ITPRIP: variants seen among roughly 807,000 people sequenced by gnomAD.
The protein encoded by ITPRIP is inositol 1,4,5-trisphosphate receptor interacting protein, also known as inositol 1,4,5-trisphosphate receptor-interacting protein.
A neutral mutation model predicts 35.8 loss-of-function variants in ITPRIP; 32 were observed. The ratio of observed to expected loss-of-function variants is 0.89; its 90% CI spans 0.68 to 1.20. The LOEUF is 1.20. Ranked by LOEUF, ITPRIP falls within the 50% of genes most tolerant of loss-of-function variation. The pLI is 0.00. For synonymous variants in ITPRIP, 358 were observed against 324.0 expected (o/e 1.11, Z -1.13); for missense variants, 653 against 735.6 (o/e 0.89, Z 1.30).
chr10:104,315,874 C>A lies in ITPRIP; in HGVS notation c.178G>T (p.Ala60Ser), dbSNP rs1197659949. The A allele has an allele frequency of 1.9e-6, 3 of 1,613,260 alleles. No individual in the cohort carries two copies. The highest frequency in any genetic ancestry group is 2.5e-6 in the Non-Finnish European group (3 of 1,179,628). ...GCCTCCTTTTCGGCCGCCAGCCGAG[C>A]CACCTCCTCCTCCAGGCGCAACTGC... ...LEQLRLEEEVARLAAEKEALE... is the reference protein window; with the variant it reads ...LEQLRLEEEVSRLAAEKEALE... Residue 60 changes from alanine (A) to serine (S), a missense_variant, in exon 2 of 2, where the codon GCT becomes TCT. Physicochemically the swap from Ala to Ser is moderately conservative, Grantham distance 99. Transcript: ENST00000337478. The surrounding 1 kb of genome is among the most constrained non-coding windows in gnomAD (Gnocchi z 5.7).
rs969283574 is a variant in ITPRIP, at chr10:104,315,255, A to G, written c.797T>C (p.Met266Thr). The G allele has an allele frequency of 6.2e-7, 1 of 1,610,154 alleles. No individual in the cohort carries two copies. The highest frequency in any genetic ancestry group is 8.5e-7 in the Non-Finnish European group (1 of 1,177,564). ...GTTCCTGCCGTGCAGGAGACACAGC[A>G]TGTCTTCCCCGAGCTTGGTCTTGCC... ...ICGKTKLGEDMLCLLHGRNSM... is the reference protein window; with the variant it reads ...ICGKTKLGEDTLCLLHGRNSM... The change falls in exon 2 of 2, where the codon ATG (methionine) becomes ACG (threonine). Residue 266 changes from methionine to threonine, a missense_variant. Physicochemically the swap from Met to Thr is moderately conservative, Grantham distance 81 (BLOSUM62 -1). Coordinates refer to ENST00000337478, the MANE Select transcript of ITPRIP (RefSeq NM_001272013.2). The surrounding 1 kb of genome is among the most constrained non-coding windows in gnomAD (Gnocchi z 5.7).
Position 104,328,598 on chromosome 10 carries a change from G to A in ITPRIP, c.-14+9648C>T, listed in dbSNP as rs2014081430. On this transcript the variant is annotated intron_variant, in intron 1 of 1. Coordinates refer to ENST00000337478, the MANE Select transcript of ITPRIP (RefSeq NM_001272013.2). The surrounding 1 kb of genome is among the most constrained non-coding windows in gnomAD (Gnocchi z 4.1). ...CGGGAGTAAACACAAAGGAAAACAA[G>A]GAGGGAACAAAGCCCTCCCTTGGCC... Among the ~76,000 whole-genome samples, 1 of 152,120 alleles carries A rather than the reference G, an allele frequency of 6.6e-6. No homozygotes were observed. The highest frequency in any genetic ancestry group is 2.4e-5 in the African/African-American group (1 of 41,422).
In ITPRIP at chr10:104,313,062, T is replaced by A. The variant is rs35377376; in HGVS notation, c.*1346A>T. 0.021 allele frequency: 20,868 copies of A among 985,380 alleles called. 241 individuals are homozygous for A. Among genetic ancestry groups the A allele is most frequent in the South Asian group, 0.059 (1,245 of 21,272 alleles). The allele number at this position is 985,380 out of a possible 1,614,324, so 61.0% of individuals were successfully genotyped here. The stretch of plus-strand genomic sequence containing the variant: ...GCTCTTTGGGTCTGGGTCATCTGTG[T>A]GGTCAGCAGTGCCCACACAGAAGGG... On this transcript the variant is annotated 3_prime_UTR_variant, in exon 2 of 2. Transcript: ENST00000337478.
At chr10:104,316,353 G>A (rs2013689435) in intron 1 of ITPRIP, among the ~76,000 whole-genome samples, 1 of 152,250 alleles carries the variant, frequency 6.6e-6, no homozygotes, top group South Asian at 2.1e-4. Flanking sequence ...TGGCCAGGGC[G>A]AGGATATACC....
In ITPRIP at chr10:104,316,019, C is replaced by G. The variant is rs1487957448; in HGVS notation, c.33G>C (p.Val11=). Residue 11 remains valine (V), a synonymous_variant, in exon 2 of 2, where the codon GTG becomes GTC. Transcript: ENST00000337478. The stretch of plus-strand genomic sequence containing the variant: ...GGTGGTTGATGATGGCCGTCACCAC[C>G]ACCAGACACACGCGGAAGAGCCCCA... MAMGLFRVCL[V]VVTAIINHPL... 1 of 1,601,584 alleles carries G rather than the reference C, an allele frequency of 6.2e-7. No homozygotes were observed. Among genetic ancestry groups the G allele is most frequent in the Non-Finnish European group, 8.5e-7 (1 of 1,174,510 alleles).
intron 1 of ITPRIP, among the ~76,000 whole-genome samples, chr10:104,329,527 A>C (rs10883992): frequency 0.29 from 43,324 of 151,990 alleles, 6,366 homozygotes; most frequent in Middle Eastern, 0.33. Context: ...TGCTGAATGC[A>C]TGGACCCATG....
intron 1 of ITPRIP, among the ~76,000 whole-genome samples, chr10:104,317,504 A>C (rs1333075608): frequency 1.3e-5 from 2 of 152,168 alleles, no homozygotes; most frequent in Non-Finnish European, 2.9e-5. Context: ...AGACTTAGTT[A>C]CACCCTCTCC....
At chr10:104,331,024 G>C (rs1238583072) in intron 1 of ITPRIP, among the ~76,000 whole-genome samples, 1 of 152,270 alleles carries the variant, frequency 6.6e-6, no homozygotes, top group African/African-American at 2.4e-5. Context: ...ATGAAGCAGG[G>C]AGTAAAACCT....
intron 1 of ITPRIP, among the ~76,000 whole-genome samples, chr10:104,317,359 C>T (rs1036449445): frequency 6.6e-6 from 1 of 152,158 alleles, no homozygotes; most frequent in African/African-American, 2.4e-5. Flanking sequence ...GTATGATTCA[C>T]GGACCAGCAG....
intron 1 of ITPRIP, among the ~76,000 whole-genome samples, chr10:104,332,222 A>AT (rs199909280): frequency 7.9e-5 from 12 of 151,366 alleles, no homozygotes; most frequent in South Asian, 4.2e-4. Flanking sequence ...TGAAGCCACT[A>AT]TTTTTTTTTA....
rs749359980 is a variant in ITPRIP, at chr10:104,314,499, T to A, written c.1553A>T (p.Asp518Val). Reference sequence around the variant, plus strand: ...ATTCTTGAGCATCTCATAGAAGGAGTCCAGTGTCTTACGGTAAAGGCTTCG... The same window carrying A: ...ATTCTTGAGCATCTCATAGAAGGAGACCAGTGTCTTACGGTAAAGGCTTCG... ...LQRSLYRKTLDSFYEMLKNAP... is the reference protein window; with the variant it reads ...LQRSLYRKTLVSFYEMLKNAP... The change falls in exon 2 of 2, where the codon GAC (aspartate) becomes GTC (valine). Residue 518 changes from aspartate (D) to valine (V), a missense_variant. Transcript: ENST00000337478. 1 of 1,613,918 alleles carries A rather than the reference T, an allele frequency of 6.2e-7. No individual in the cohort carries two copies. The highest frequency in any genetic ancestry group is 1.1e-5 in the South Asian group (1 of 91,062).
chr10:104,314,782 C>G lies in ITPRIP; in HGVS notation c.1270G>C (p.Gly424Arg). The change falls in exon 2 of 2, where the codon GGT becomes CGT. Residue 424 changes from glycine to arginine, a missense_variant. Coordinates refer to ENST00000337478, the MANE Select transcript of ITPRIP (RefSeq NM_001272013.2). ...FLLSKQSRLT[G>R]PSGLSSYHLK... ...TGGTAGCTGCTGAGCCCGCTGGGAC[C>G]GGTCAGGCGGCTCTGCTTGGAGAGC... 1 of 1,613,842 alleles carries G rather than the reference C, an allele frequency of 6.2e-7. No homozygotes were observed. The highest frequency in any genetic ancestry group is 8.5e-7 in the Non-Finnish European group (1 of 1,180,002).
chr10:104,314,115 G>A lies in ITPRIP; in HGVS notation c.*293C>T, dbSNP rs1052792926. ...TTGTCTCTAACTCAGGGTCCACAGC[G>A]TGTTCTGCCACCATCTTGGCCATTC... On this transcript the variant is annotated 3_prime_UTR_variant, in exon 2 of 2. Coordinates refer to ENST00000337478, the MANE Select transcript of ITPRIP (RefSeq NM_001272013.2). 6 of 1,193,654 alleles carry A rather than the reference G, an allele frequency of 5.0e-6. No homozygotes were observed. In the African/African-American group the frequency reaches 6.2e-5, roughly 12 times the overall value. The allele number at this position is 1,193,654 out of a possible 1,614,324, so 73.9% of individuals were successfully genotyped here.
At chr10:104,330,160 A>G (rs939157296) in intron 1 of ITPRIP, among the ~76,000 whole-genome samples, 1 of 152,212 alleles carries the variant, frequency 6.6e-6, no homozygotes, top group African/African-American at 2.4e-5. Context: ...GGAAGAGGGT[A>G]GTTGCTATAA....
Position 104,314,137 on chromosome 10 carries a change from A to G in ITPRIP, c.*271T>C, listed in dbSNP as rs185571035. ...AGCGTGTTCTGCCACCATCTTGGCCATTCATGGTGATCCAGAAGTAAACTG... is the reference window on the plus strand; with the variant it reads ...AGCGTGTTCTGCCACCATCTTGGCCGTTCATGGTGATCCAGAAGTAAACTG... On this transcript the variant is annotated 3_prime_UTR_variant, in exon 2 of 2. Transcript: ENST00000337478. 3 of 1,240,438 alleles carry G rather than the reference A, an allele frequency of 2.4e-6. No individual in the cohort carries two copies. The South Asian group carries it at 7.6e-5, about 31-fold the overall frequency. The allele number at this position is 1,240,438 out of a possible 1,614,324, so 76.8% of individuals were successfully genotyped here.
intron 1 of ITPRIP, among the ~76,000 whole-genome samples, chr10:104,318,124 G>A (rs2013737931): frequency 6.6e-6 from 1 of 152,226 alleles, no homozygotes; most frequent in South Asian, 2.1e-4. Context: ...AGGAAAAAGT[G>A]CAGGGGGCAG....
chr10:104,326,156 A>G lies in ITPRIP; in HGVS notation c.-13-10092T>C, dbSNP rs2014005060. ...CTCAAGGCCCACTCTCGGGAGAGGG[A>G]GCGGTTTCAAGAAGTCACCAGAATG... On this transcript the variant is annotated intron_variant, in intron 1 of 1. Transcript: ENST00000337478. This position sits in a 1 kb window ranked among gnomAD's most constrained non-coding sequence, Gnocchi z 4.8. 6.6e-6 allele frequency among the ~76,000 whole-genome samples: 1 copy of G among 152,072 alleles called. No homozygotes were observed. The highest frequency in any genetic ancestry group is 1.5e-5 in the Non-Finnish European group (1 of 68,012).
Position 104,315,719 on chromosome 10 carries a change from G to C in ITPRIP, c.333C>G (p.Pro111=). ...EVWRQDHQEG[P]SPECLGGEED... is the part of the protein sequence containing the mutation. ...CCTCACCGCCCAGGCACTCAGGTGA[G>C]GGCCCCTCCTGGTGGTCCTGCCGCC... Residue 111 remains proline (P), a synonymous_variant, in exon 2 of 2, where the codon CCC becomes CCG. Transcript: ENST00000337478. This position sits in a 1 kb window ranked among gnomAD's most constrained non-coding sequence, Gnocchi z 5.7. 1 of 1,613,660 alleles carries C rather than the reference G, an allele frequency of 6.2e-7. No homozygotes were observed. Among genetic ancestry groups the C allele is most frequent in the Non-Finnish European group, 8.5e-7 (1 of 1,179,986 alleles).
intron 1 of ITPRIP, among the ~76,000 whole-genome samples, chr10:104,320,433 T>G (rs1424157693): frequency 6.6e-6 from 1 of 152,118 alleles, no homozygotes; most frequent in Non-Finnish European, 1.5e-5. Context: ...TGAATCCACC[T>G]ATGACCAGGA....
Sources: gnomAD v4.1 joint callset for allele counts (sites outside exome capture counted in the v4.1 genomes callset) on GRCh38, gnomAD v4.1.1 for gene constraint, Gnocchi (gnomAD v3.1) non-coding constraint, MANE v1.5 for transcripts, NCBI Gene and HGNC (gene_info 2026-07-23, HGNC 2026-07-21) for gene names.